Variants in UNC79 observed in about 807,000 individuals in gnomAD.
UNC79 encodes protein unc-79 homolog.
UNC79 carries 37 observed loss-of-function variants against 283.1 expected under a neutral mutation model. The ratio of observed to expected loss-of-function variants is 0.13; its 90% confidence interval spans 0.10 to 0.17. The LOEUF (loss-of-function observed/expected upper bound fraction) is 0.17, where lower values mean the gene tolerates loss of function less well. Ranked by LOEUF, UNC79 falls within the 10% of genes least tolerant of loss-of-function variation. The pLI is 1.00. For synonymous variants in UNC79, 1,107 were observed against 1,200.2 expected (o/e 0.92, Z 1.61); for missense variants, 2,272 against 3,211.1 (o/e 0.71, Z 7.07).
intron 14 of UNC79, among the ~76,000 whole-genome samples, chr14:93,556,660 T>C (rs1271648270): frequency 6.8e-6 from 1 of 146,652 alleles, no homozygotes; most frequent in African/African-American, 2.5e-5. Context: ...ACAGAGTAAA[T>C]GGAGAAACAA....
chr14:93,404,513 T>TAA (rs1555404615), intron 1 of UNC79, among the ~76,000 whole-genome samples: 5 of 113,290 alleles, frequency 4.4e-5, no homozygotes, highest in Admixed American at 1.0e-4. Flanking sequence ...TATATATATA[T>TAA]AAATATATAC....
chr14:93,516,456 G>GA, intron 7 of UNC79, among the ~76,000 whole-genome samples: 1 of 120,004 alleles, frequency 8.3e-6, no homozygotes, highest in South Asian at 3.3e-4. Context: ...TTTTTGGGGG[G>GA]GGGGGTGGGG....
chr14:93,492,043 G>A (rs1002276357), intron 5 of UNC79, among the ~76,000 whole-genome samples: 5 of 152,156 alleles, frequency 3.3e-5, no homozygotes, highest in Non-Finnish European at 5.9e-5. Context: ...GTGTATCAAG[G>A]ATAGAACACA....
chr14:93,403,735 A>G (rs569494464), intron 1 of UNC79, among the ~76,000 whole-genome samples: 3 of 152,326 alleles, frequency 2.0e-5, no homozygotes, highest in Admixed American at 6.5e-5. Context: ...ATCAACCACA[A>G]GAAGAAGCAC....
chr14:93,637,259 C>T, exon 32 of UNC79: 1 of 1,591,390 alleles, frequency 6.3e-7, no homozygotes, highest in Non-Finnish European at 8.6e-7. Flanking sequence ...TGCCAACGTG[C>T]CTAAACCCTG....
At chr14:93,698,475 G>C (rs1474191196) in intron 47 of UNC79, among the ~76,000 whole-genome samples, 1 of 67,322 alleles carries the variant, frequency 1.5e-5, no homozygotes, top group Non-Finnish European at 3.2e-5. Flanking sequence ...GTTTAGTTTA[G>C]GTTTTTTTTT....
At chr14:93,347,533 G>A (rs1360290892) in intron 1 of UNC79, 10 of 1,085,390 alleles carry the variant, frequency 9.2e-6, no homozygotes, top group Non-Finnish European at 1.1e-5. Flanking sequence ...GTTGGGGGAG[G>A]TTCCTGTGGC....
chr14:93,392,000 CA>C (rs1475429913), intron 1 of UNC79, among the ~76,000 whole-genome samples: 1 of 152,126 alleles, frequency 6.6e-6, no homozygotes, highest in Non-Finnish European at 1.5e-5. Context: ...ATTGGCACAA[CA>C]ATTTGGAAAA....
In UNC79 at chr14:93,442,665, G is replaced by A. The variant is rs141698376; in HGVS notation, c.22+11614G>A. On this transcript the variant is annotated intron_variant, in intron 1 of 48. Transcript: ENST00000555664. ...CCCAAATACATACATATTAAGATAC[G>A]TCATTTTATCCTCTTTTTGTTTACG... is the stretch of plus-strand genomic sequence containing the variant. Among the ~76,000 whole-genome samples, 481 of 152,158 alleles carry A rather than the reference G, an allele frequency of 3.2e-3. 2 individuals carry two copies. Among genetic ancestry groups the A allele is most frequent in the Middle Eastern group, 0.014 (4 of 294 alleles).
intron 22 of UNC79, among the ~76,000 whole-genome samples, chr14:93,589,205 C>T (rs200046067): frequency 2.0e-5 from 3 of 152,024 alleles, no homozygotes; most frequent in East Asian, 3.9e-4. Flanking sequence ...TTTTCTCCGG[C>T]GCTCAGGGGC....
At chr14:93,439,813 G>T (rs971729977) in intron 1 of UNC79, among the ~76,000 whole-genome samples, 4 of 151,494 alleles carry the variant, frequency 2.6e-5, no homozygotes, top group Non-Finnish European at 5.9e-5. Flanking sequence ...TTTCTACTGG[G>T]GTCAATTTTG....
At chr14:93,702,966 G>T (rs2141071939) in intron 47 of UNC79, among the ~76,000 whole-genome samples, 1 of 152,360 alleles carries the variant, frequency 6.6e-6, no homozygotes, top group East Asian at 1.9e-4. Flanking sequence ...TTTGCTCATG[G>T]TGAATAGAGC....
chr14:93,672,203 A>C (rs2072935927), intron 40 of UNC79, among the ~76,000 whole-genome samples: 1 of 152,212 alleles, frequency 6.6e-6, no homozygotes, highest in African/African-American at 2.4e-5. Flanking sequence ...AATGAAAAGA[A>C]ATCAGTATAT....
intron 35 of UNC79, among the ~76,000 whole-genome samples, chr14:93,651,564 G>T (rs2140315190): frequency 6.6e-6 from 1 of 152,074 alleles, no homozygotes; most frequent in Middle Eastern, 3.4e-3. Context: ...TCAACTTTTT[G>T]TTGCTGATAT....
chr14:93,694,873 C>G (rs2074977535), intron 47 of UNC79, among the ~76,000 whole-genome samples: 2 of 152,120 alleles, frequency 1.3e-5, no homozygotes, highest in Admixed American at 1.3e-4. Context: ...TCCAGAAAAC[C>G]AAGGAAAATA....
chr14:93,665,459 A>T (rs184615371), intron 40 of UNC79, among the ~76,000 whole-genome samples: 1 of 151,906 alleles, frequency 6.6e-6, no homozygotes, highest in Non-Finnish European at 1.5e-5. Context: ...AATATTTCAG[A>T]TAAGGAAAAT....
rs760906270 is a variant in UNC79 at position 93,690,192 on chromosome 14, T to C, written c.7161T>C (p.Asn2387=). 6.2e-7 allele frequency: 1 copy of C among 1,614,232 alleles called. No individual in the cohort carries two copies. The highest frequency in any genetic ancestry group is 8.5e-7 in the Non-Finnish European group (1 of 1,180,040). ...TGCTGCTGGGTTCCCTCACTCACAATGCAGTGTGCCCAAATGCCTCCTCTC... is the reference window on the plus strand; with the variant it reads ...TGCTGCTGGGTTCCCTCACTCACAACGCAGTGTGCCCAAATGCCTCCTCTC... Residue 2387 remains asparagine, a synonymous_variant, in exon 45 of 49, where the codon AAT becomes AAC. Transcript: ENST00000555664. This position sits in a 1 kb window ranked among gnomAD's most constrained non-coding sequence, Gnocchi z 4.3.
chr14:93,509,873 G>A (rs748784349), intron 7 of UNC79, among the ~76,000 whole-genome samples: 4 of 152,230 alleles, frequency 2.6e-5, no homozygotes, highest in Non-Finnish European at 4.4e-5. Flanking sequence ...TGCCCCCATA[G>A]GGACTCTGTG....
chr14:93,693,178 A>G (rs1172550575), intron 46 of UNC79, among the ~76,000 whole-genome samples: 1 of 152,210 alleles, frequency 6.6e-6, no homozygotes, highest in African/African-American at 2.4e-5. Flanking sequence ...GTTCAATTTA[A>G]AGGAAGTTTA....
Sources: allele counts gnomAD v4.1 joint callset (sites outside exome capture counted in the v4.1 genomes callset), GRCh38; gene constraint gnomAD v4.1.1; non-coding constraint Gnocchi (gnomAD v3.1); transcripts MANE v1.5; gene names NCBI Gene and HGNC (gene_info 2026-07-23, HGNC 2026-07-21).